TMED3: variants seen among roughly 807,000 people sequenced by gnomAD.
TMED3 encodes transmembrane p24 trafficking protein 3, also known as transmembrane emp24 domain-containing protein 3.
Under a neutral mutation model 15.0 loss-of-function variants are expected in TMED3, and 9 were observed. The ratio of observed to expected loss-of-function variants is 0.60; its 90% CI spans 0.36 to 1.04. TMED3 has a LOEUF of 1.04. Ranked by LOEUF, TMED3 falls within the 50% of genes least tolerant of loss-of-function variation. The pLI is 0.01. For missense variants in TMED3, 267 were observed against 278.9 expected (o/e 0.96, Z 0.30); for synonymous variants, 117 against 121.4 (o/e 0.96, Z 0.24).
intron 2 of TMED3, among the ~76,000 whole-genome samples, chr15:79,352,576 A>G (rs1173882396): frequency 6.6e-6 from 1 of 151,694 alleles, no homozygotes; most frequent in Non-Finnish European, 1.5e-5. Context: ...AATAAAATAA[A>G]ATAGAAGTCT....
At chr15:79,333,658 T>C (rs953132705) in intron 2 of TMED3, among the ~76,000 whole-genome samples, 3 of 152,234 alleles carry the variant, frequency 2.0e-5, no homozygotes, top group African/African-American at 4.8e-5. Flanking sequence ...GATAAGACTT[T>C]CACATGTTTT....
chr15:79,313,157 C>T (rs183144132), intron 1 of TMED3, among the ~76,000 whole-genome samples: 32 of 152,072 alleles, frequency 2.1e-4, no homozygotes, highest in African/African-American at 7.7e-4. Flanking sequence ...AGTGGCAGTG[C>T]CCTAAATCAG....
chr15:79,359,425 T>C (rs749078634), intron 2 of TMED3, among the ~76,000 whole-genome samples: 9 of 151,800 alleles, frequency 5.9e-5, no homozygotes, highest in Non-Finnish European at 1.2e-4. Context: ...AGAGACAGGG[T>C]TTCACCATTT....
chr15:79,403,036 CAG>C (rs1893854580), intron 2 of TMED3, among the ~76,000 whole-genome samples: 1 of 150,936 alleles, frequency 6.6e-6, no homozygotes, highest in Non-Finnish European at 1.5e-5. Context: ...GCGGCCAACA[CAG>C]AGAAACCCTG....
intron 2 of TMED3, among the ~76,000 whole-genome samples, chr15:79,391,188 AGTTT>A (rs1893691181): frequency 6.6e-6 from 1 of 151,538 alleles, no homozygotes; most frequent in South Asian, 2.1e-4. Context: ...TTAGAATGTC[AGTTT>A]GTGCTCTTTC....
intron 2 of TMED3, among the ~76,000 whole-genome samples, chr15:79,380,540 TATATATATAGTTGTATATATGTAGTTAC>T (rs1893510481): frequency 6.8e-6 from 1 of 147,170 alleles, no homozygotes. Flanking sequence ...TATATGTAGT[TATATATATAGTTGTATATATGTAGTTAC>T]ATATATATAG....
chr15:79,386,573 A>C (rs1893628492), intron 2 of TMED3, among the ~76,000 whole-genome samples: 1 of 151,960 alleles, frequency 6.6e-6, no homozygotes, highest in Non-Finnish European at 1.5e-5. Flanking sequence ...ATGGAGTCTC[A>C]CTGTTGCCCA....
At chr15:79,363,754 A>G (rs151023163) in intron 2 of TMED3, among the ~76,000 whole-genome samples, 4 of 152,306 alleles carry the variant, frequency 2.6e-5, no homozygotes, top group Non-Finnish European at 4.4e-5. Flanking sequence ...TTTGTACTCT[A>G]AACTCCTTTC....
intron 2 of TMED3, among the ~76,000 whole-genome samples, chr15:79,359,904 T>G (rs995188936): frequency 4.6e-5 from 7 of 152,238 alleles, no homozygotes; most frequent in Admixed American, 1.3e-4. Context: ...CTTGCTCTTA[T>G]GCTTCAAGAA....
chr15:79,316,280 T>A (rs1299693802), intron 2 of TMED3, among the ~76,000 whole-genome samples: 1 of 152,116 alleles, frequency 6.6e-6, no homozygotes, highest in Non-Finnish European at 1.5e-5. Flanking sequence ...AAAACCAGGC[T>A]CCTAGGAGAG....
chr15:79,383,085 C>T (rs536062983), intron 2 of TMED3: 141 of 1,488,500 alleles, frequency 9.5e-5, no homozygotes, highest in Non-Finnish European at 1.2e-4. Flanking sequence ...CGGGACATGG[C>T]TCTTTGCCTG....
Position 79,322,232 on chromosome 15 carries a change from AG to A in TMED3, c.*21del, listed in dbSNP as rs1260647680. On this transcript the variant is annotated 3_prime_UTR_variant, in exon 3 of 3. Transcript: ENST00000299705. ...ACTCCTAGCCCCGGCATCCTGCTCT[AG>A]GGCCCCTCATGCCCCAGGCTGGAGC... 3.7e-6 allele frequency: 6 copies of A among 1,603,430 alleles called. No individual in the cohort carries two copies. The highest frequency in any genetic ancestry group is 5.1e-6 in the Non-Finnish European group (6 of 1,173,658).
chr15:79,412,072 C>G (rs1359332891), exon 3 of TMED3: 3 of 145,132 alleles, frequency 2.1e-5, no homozygotes, highest in African/African-American at 7.5e-5. Context: ...CAAACCACAC[C>G]ATGTTTGCCA....
chr15:79,354,996 A>C (rs2058913115), intron 2 of TMED3, among the ~76,000 whole-genome samples: 1 of 152,110 alleles, frequency 6.6e-6, no homozygotes, highest in Admixed American at 6.6e-5. Flanking sequence ...AGGAGAGGGG[A>C]TCAGTTGAGT....
intron 2 of TMED3, among the ~76,000 whole-genome samples, chr15:79,372,056 A>G (rs1893349336): frequency 1.3e-5 from 2 of 152,172 alleles, no homozygotes; most frequent in Admixed American, 1.3e-4. Context: ...GAATAAGCAA[A>G]AACAAACAAA....
At chr15:79,321,444 G>A (rs578225086) in intron 2 of TMED3, among the ~76,000 whole-genome samples, 30 of 152,336 alleles carry the variant, frequency 2.0e-4, no homozygotes, top group Admixed American at 1.2e-3. Context: ...TACATGAAGC[G>A]TGTGTCTTCA....
intron 2 of TMED3, among the ~76,000 whole-genome samples, chr15:79,401,671 A>T (rs143534168): frequency 6.6e-6 from 1 of 152,140 alleles, no homozygotes; most frequent in African/African-American, 2.4e-5. Context: ...GAACAGTGAC[A>T]TGGGGTAGTG....
intron 2 of TMED3, among the ~76,000 whole-genome samples, chr15:79,394,149 G>A (rs1432335639): frequency 2.6e-5 from 4 of 152,092 alleles, no homozygotes; most frequent in Non-Finnish European, 4.4e-5. Context: ...GGAGTAGGGG[G>A]GTGGGTGGAC....
At chr15:79,331,804 C>T (rs549789422) in intron 2 of TMED3, among the ~76,000 whole-genome samples, 3 of 152,218 alleles carry the variant, frequency 2.0e-5, no homozygotes, top group African/African-American at 7.2e-5. Context: ...AAAATATGCT[C>T]AACATCACTA....
Sources: allele counts gnomAD v4.1 joint callset (sites outside exome capture counted in the v4.1 genomes callset), GRCh38; gene constraint gnomAD v4.1.1; transcripts MANE v1.5; gene names NCBI Gene and HGNC (gene_info 2026-07-23, HGNC 2026-07-21).